CYP4Z1: variants seen among roughly 807,000 people sequenced by gnomAD.
CYP4Z1 encodes the protein cytochrome P450 family 4 subfamily Z member 1, also known as cytochrome P450 4Z1.
CYP4Z1 carries 41 observed loss-of-function variants against 54.2 expected under a neutral mutation model. That is an observed-to-expected ratio of 0.76 (90% CI 0.59 to 0.98). The LOEUF is 0.98. Among genes scored for constraint, CYP4Z1 ranks in the 50% least tolerant of loss-of-function variants. The probability of loss-of-function intolerance (pLI) is 0.00; values close to 1 mark genes in which losing one functional copy is unlikely to be tolerated. For missense variants in CYP4Z1, 513 were observed against 599.0 expected, an observed-to-expected ratio of 0.86 and a Z score of 1.50; for synonymous variants, 163 against 206.2, an observed-to-expected ratio of 0.79 and a Z score of 1.79.
chr1:47,090,319 T>C lies in CYP4Z1; in HGVS notation c.773-4247T>C, dbSNP rs549962115. ...ATTATTAATCCTGTTATAAGGATAA[T>C]AATTAGGCAAGATATTACAGCAATT... On this transcript the variant is annotated intron_variant, in intron 6 of 11. Coordinates refer to ENST00000334194, the MANE Select transcript of CYP4Z1 (RefSeq NM_178134.3). 2.3e-3 allele frequency among the ~76,000 whole-genome samples: 356 copies of C among 152,344 alleles called. 5 individuals are homozygous for C. The highest frequency in any genetic ancestry group is 8.3e-3 in the African/African-American group (343 of 41,566).
chr1:47,061,236 A>G, the CYP4Z1 span, among the ~76,000 whole-genome samples: 4 of 151,392 alleles, frequency 2.6e-5, no homozygotes, highest in Non-Finnish European at 5.9e-5. Flanking sequence ...ACAGAAAACT[A>G]TTCAATGTTT....
At position 47,084,997 on chromosome 1, in the gene CYP4Z1, A is replaced by G; in HGVS notation, c.772+19A>G. 1 of 1,063,132 alleles carries G rather than the reference A, an allele frequency of 9.4e-7. No homozygotes were observed. Among genetic ancestry groups the G allele is most frequent in the East Asian group, 2.6e-5 (1 of 38,430 alleles). The allele number at this position is 1,063,132 out of a possible 1,614,324, so 65.9% of individuals were successfully genotyped here. A position where few individuals can be genotyped will look rare whatever the true frequency, so the allele number is the denominator to read the frequency against. ...TTCACAGGTTAGTCCTGGGATTTAC[A>G]TGGCCAGAGTCCACTATGAGACATC... On this transcript the variant is annotated intron_variant, in intron 6 of 11. Transcript: ENST00000334194.
intron 11 of CYP4Z1, 58 bp from the exon 12 acceptor site, chr1:47,117,708 T>C: frequency 3.3e-6 from 5 of 1,527,614 alleles, no homozygotes; most frequent in Non-Finnish European, 4.4e-6. Context: ...GATTGGCGTA[T>C]GTTGTTAATA....
At chr1:47,114,721 A>C (rs868562025) in intron 9 of CYP4Z1, among the ~76,000 whole-genome samples, 5 of 152,240 alleles carry the variant, frequency 3.3e-5, no homozygotes, top group African/African-American at 1.2e-4. Flanking sequence ...GCCATCAGAG[A>C]AATGCAAATC....
At chr1:47,086,099 G>A (rs1007580611) in intron 6 of CYP4Z1, among the ~76,000 whole-genome samples, 4 of 152,124 alleles carry the variant, frequency 2.6e-5, no homozygotes, top group African/African-American at 4.8e-5. Context: ...ATCATTGTTG[G>A]ACATTTGGCT....
the CYP4Z1 span, among the ~76,000 whole-genome samples, chr1:47,056,500 G>T: frequency 6.6e-6 from 1 of 152,108 alleles, no homozygotes; most frequent in African/African-American, 2.4e-5. Flanking sequence ...TCATTGATCT[G>T]TCTAATGTTG....
chr1:47,083,680 A>G (rs1304535761), intron 4 of CYP4Z1, among the ~76,000 whole-genome samples: 1 of 152,058 alleles, frequency 6.6e-6, no homozygotes, highest in African/African-American at 2.4e-5. Flanking sequence ...TTGAGTTCAA[A>G]CTCAAGCTTC....
upstream of CYP4Z1, among the ~76,000 whole-genome samples, chr1:47,065,525 G>A (rs1644445087): frequency 6.6e-6 from 1 of 152,004 alleles, no homozygotes; most frequent in Non-Finnish European, 1.5e-5. Context: ...CTAAGATACA[G>A]CAAAAGCAGT....
chr1:47,068,393 G>A (rs929497979), intron 1 of CYP4Z1, among the ~76,000 whole-genome samples: 2 of 152,178 alleles, frequency 1.3e-5, no homozygotes, highest in African/African-American at 4.8e-5. Flanking sequence ...ACGCTGGAGT[G>A]AGAAGACCAA....
the CYP4Z1 span, among the ~76,000 whole-genome samples, chr1:47,057,335 A>AAAAAAAAATAT: frequency 2.2e-3 from 62 of 28,432 alleles, 1 homozygote; most frequent in African/African-American, 3.9e-3. Context: ...AAGAAAAAAA[A>AAAAAAAAATAT]ATATATATAT....
At chr1:47,094,872 G>C (rs544869896) in intron 7 of CYP4Z1, among the ~76,000 whole-genome samples, 2 of 152,290 alleles carry the variant, frequency 1.3e-5, no homozygotes, top group South Asian at 4.2e-4. Context: ...GCTGGGCATG[G>C]TGGTGCATGC....
upstream of CYP4Z1, among the ~76,000 whole-genome samples, chr1:47,064,011 A>C (rs1391497826): frequency 6.6e-6 from 1 of 152,104 alleles, no homozygotes; most frequent in Non-Finnish European, 1.5e-5. Context: ...GTAACCTGTC[A>C]AGAAAAACCT....
intron 2 of CYP4Z1, 67 bp downstream of exon 2, chr1:47,068,830 T>G: frequency 1.3e-6 from 2 of 1,566,824 alleles, no homozygotes; most frequent in South Asian, 1.2e-5. Context: ...TCTGTGGCAC[T>G]AGGGAAGGAC....
intron 8 of CYP4Z1, among the ~76,000 whole-genome samples, chr1:47,104,180 G>A (rs1644740397): frequency 6.6e-6 from 1 of 152,212 alleles, no homozygotes; most frequent in Non-Finnish European, 1.5e-5. Flanking sequence ...TTCTGGGCAT[G>A]TGCAGTAGTG....
chr1:47,092,235 C>G lies in CYP4Z1; in HGVS notation c.773-2331C>G, dbSNP rs1471220856. Among the ~76,000 whole-genome samples the G allele has an allele frequency of 7.9e-5, 12 of 151,418 alleles. No individual in the cohort carries two copies. The East Asian group carries it at 1.9e-3, about 24-fold the overall frequency. On this transcript the variant is annotated intron_variant, in intron 6 of 11. Transcript: ENST00000334194. ...AACTAGCGGATGCAACTTGGGGATC[C>G]TGGACTTTGCAAGCCTGCAAAGTTG...
Position 47,118,154 on chromosome 1 carries a change from C to A in CYP4Z1, c.*220C>A. 2.2e-6 allele frequency: 1 copy of A among 454,582 alleles called. No homozygotes were observed. 28.2% of individuals were successfully genotyped at this position (454,582 alleles called of 1,614,324 possible). On this transcript the variant is annotated 3_prime_UTR_variant, in exon 12 of 12. Transcript: ENST00000334194. ...ACCTGAAAAAACTCAAGCTGACTTC[C>A]ACTGCGAAGGGAAATTATTGGTTTG...
At chr1:47,081,906 A>G (rs1373527272) in intron 3 of CYP4Z1, among the ~76,000 whole-genome samples, 8 of 145,458 alleles carry the variant, frequency 5.5e-5, no homozygotes, top group Non-Finnish European at 1.5e-5. Context: ...GTGCCAGTCT[A>G]AGGCAGTATT....
At chr1:47,067,155 T>C (rs543258513), upstream of CYP4Z1, among the ~76,000 whole-genome samples, 3 of 152,164 alleles carry the variant, frequency 2.0e-5, no homozygotes, top group East Asian at 5.8e-4. Flanking sequence ...TACAAGAATG[T>C]ATAGAGGTGT....
At chr1:47,088,135 G>T (rs1644611641) in intron 6 of CYP4Z1, among the ~76,000 whole-genome samples, 1 of 152,162 alleles carries the variant, frequency 6.6e-6, no homozygotes, top group African/African-American at 2.4e-5. Context: ...ATGTTCATCA[G>T]GGATATTGGT....
Sources: gnomAD v4.1 joint callset for allele counts (sites outside exome capture counted in the v4.1 genomes callset) on GRCh38, gnomAD v4.1.1 for gene constraint, MANE v1.5 for transcripts, NCBI Gene and HGNC (gene_info 2026-07-23, HGNC 2026-07-21) for gene names.